Variants in CLOCK observed in about 807,000 individuals in gnomAD.
The protein encoded by CLOCK is clock circadian regulator, also known as circadian locomoter output cycles protein kaput.
Under a neutral mutation model 118.4 loss-of-function variants are expected in CLOCK, and 43 were observed. That is an observed-to-expected ratio of 0.36 (90% confidence interval 0.28 to 0.47). The LOEUF (loss-of-function observed/expected upper bound fraction) is 0.47. Among genes scored for constraint, CLOCK ranks in the 20% least tolerant of loss-of-function variants. CLOCK has a pLI of 1.00. For synonymous variants in CLOCK, 326 were observed against 339.2 expected (o/e 0.96, Z 0.43); for missense variants, 846 against 999.9 (o/e 0.85, Z 2.08).
intron 1 of CLOCK, among the ~76,000 whole-genome samples, chr4:55,519,378 T>C (rs955018873): frequency 2.0e-5 from 3 of 152,138 alleles, no homozygotes; most frequent in African/African-American, 4.8e-5. Flanking sequence ...TTTTTGTATA[T>C]AGGATAGTTC....
Position 55,432,899 on chromosome 4 carries a change from T to C in CLOCK, c.*2516A>G, listed in dbSNP as rs1282858439. The C allele has an allele frequency of 1.3e-5, 2 of 152,636 alleles. No individual in the cohort carries two copies. Among genetic ancestry groups the C allele is most frequent in the African/African-American group, 2.4e-5 (1 of 41,460 alleles). The allele number at this position is 152,636 out of a possible 1,614,324, so 9.5% of individuals were successfully genotyped here. ...AATTGAAGGGGCTGGAGTAGGACAA[T>C]GTGAGTAAACAGTTTAGACGTTTAC... is the stretch of plus-strand genomic sequence containing the variant. On this transcript the variant is annotated 3_prime_UTR_variant, in exon 23 of 23. Transcript: ENST00000513440.
intron 7 of CLOCK, among the ~76,000 whole-genome samples, chr4:55,475,004 A>G (rs1294215300): frequency 6.6e-6 from 1 of 152,228 alleles, no homozygotes; most frequent in Non-Finnish European, 1.5e-5. Context: ...AATACACTTC[A>G]TAAGGCTACA....
Position 55,478,979 on chromosome 4 carries a change from A to C in CLOCK, c.108-16T>G. ...TCTAGATACTCTGATGAAATGAAAA[A>C]TATGCATTTTTTAAACAATCCATTT... On this transcript the variant is annotated splice_polypyrimidine_tract_variant and intron_variant, in intron 5 of 22. Transcript: ENST00000513440. 6.4e-7 allele frequency: 1 copy of C among 1,566,204 alleles called. No homozygotes were observed. Among genetic ancestry groups the C allele is most frequent in the Non-Finnish European group, 8.7e-7 (1 of 1,148,788 alleles).
At chr4:55,521,800 C>G (rs1189457716) in intron 1 of CLOCK, among the ~76,000 whole-genome samples, 1 of 152,128 alleles carries the variant, frequency 6.6e-6, no homozygotes, top group Non-Finnish European at 1.5e-5. Context: ...TGATTTGTGT[C>G]CATATGGTAT....
intron 2 of CLOCK, among the ~76,000 whole-genome samples, chr4:55,490,094 TA>T (rs71194575): frequency 2.6e-4 from 39 of 147,442 alleles, no homozygotes; most frequent in Admixed American, 4.1e-4. Context: ...TGAATGGATT[TA>T]AAAAAAAAAA....
chr4:55,443,149 T>C (rs2109687395), intron 20 of CLOCK, among the ~76,000 whole-genome samples: 1 of 152,262 alleles, frequency 6.6e-6, no homozygotes, highest in East Asian at 1.9e-4. Flanking sequence ...TTGGTATAAC[T>C]ACTAGACTAC....
At chr4:55,539,880 T>G (rs772280388) in intron 1 of CLOCK, among the ~76,000 whole-genome samples, 3 of 152,022 alleles carry the variant, frequency 2.0e-5, no homozygotes, top group Non-Finnish European at 4.4e-5. Context: ...TGGACTACAT[T>G]AGGAGCCCAT....
At chr4:55,492,846 A>G (rs938387442) in intron 2 of CLOCK, among the ~76,000 whole-genome samples, 1 of 151,964 alleles carries the variant, frequency 6.6e-6, no homozygotes, top group South Asian at 2.1e-4. Flanking sequence ...TTCTGTCTCT[A>G]AAAAAAATAA....
chr4:55,453,268 T>A, intron 14 of CLOCK, 139 bp from the exon 15 acceptor site: 5 of 705,218 alleles, frequency 7.1e-6, no homozygotes, highest in Non-Finnish European at 1.3e-5. Context: ...ACCTAAAATA[T>A]ACCTATAATG....
chr4:55,439,959 A>G (rs1484570119), intron 21 of CLOCK, among the ~76,000 whole-genome samples: 5 of 152,152 alleles, frequency 3.3e-5, no homozygotes, highest in East Asian at 1.9e-4. Flanking sequence ...AATGAACTGT[A>G]TATTTTAAAA....
chr4:55,504,105 A>G (rs1728630551), intron 2 of CLOCK, among the ~76,000 whole-genome samples: 1 of 151,220 alleles, frequency 6.6e-6, no homozygotes, highest in Non-Finnish European at 1.5e-5. Flanking sequence ...TAACACAGTG[A>G]AACCCTGTCT....
chr4:55,514,416 A>C (rs902359701), intron 1 of CLOCK, among the ~76,000 whole-genome samples: 4 of 152,044 alleles, frequency 2.6e-5, no homozygotes, highest in Non-Finnish European at 5.9e-5. Flanking sequence ...ACACTCACCC[A>C]TTTAAAACCT....
chr4:55,479,097 C>A, intron 5 of CLOCK, 134 bp from the exon 6 acceptor site: 1 of 687,920 alleles, frequency 1.5e-6, no homozygotes, highest in Non-Finnish European at 2.3e-6. Flanking sequence ...TTCCAGGTTA[C>A]CAATATACAG....
At chr4:55,466,514 G>A (rs1023020223) in intron 8 of CLOCK, among the ~76,000 whole-genome samples, 3 of 152,040 alleles carry the variant, frequency 2.0e-5, no homozygotes, top group Non-Finnish European at 4.4e-5. Context: ...AATGATTATA[G>A]TTTTCTACTA....
rs1186493637 is a variant in CLOCK, at chr4:55,453,073, G to A, written c.1187C>T (p.Pro396Leu). The change falls in exon 15 of 23, where the codon CCT (proline) becomes CTT (leucine). Residue 396 changes from proline (P) to leucine (L), a missense_variant. Pro to Leu is a moderately conservative substitution (Grantham distance 98, BLOSUM62 -3). Transcript: ENST00000513440. ...ACATACTTTGTCAGCAGCTGTCTCA[G>A]GAAGAGACTCTTCAATGCCAAGTTC... The part of the protein sequence containing the change: ...RRELGIEESL[P>L]ETAADKSQDS... The A allele has an allele frequency of 1.2e-6, 2 of 1,611,320 alleles. No homozygotes were observed. The highest frequency in any genetic ancestry group is 2.7e-5 in the African/African-American group (2 of 74,932).
chr4:55,469,607 T>C (rs1725991335), intron 8 of CLOCK, among the ~76,000 whole-genome samples: 3 of 152,234 alleles, frequency 2.0e-5, no homozygotes. Flanking sequence ...TGTTTGTGTC[T>C]TAGTTTTACA....
At chr4:55,509,239 C>T (rs931430719) in intron 2 of CLOCK, among the ~76,000 whole-genome samples, 3 of 152,202 alleles carry the variant, frequency 2.0e-5, no homozygotes, top group Admixed American at 6.5e-5. Flanking sequence ...CCATGTAATG[C>T]ATGACTGTAC....
chr4:55,479,571 A>T, intron 5 of CLOCK, 69 bp downstream of exon 5: 1 of 1,250,758 alleles, frequency 8.0e-7, no homozygotes, highest in Admixed American at 1.8e-5. Flanking sequence ...TCATTTATTC[A>T]CTATTTATTT....
chr4:55,436,470 T>G (rs1024117940), intron 22 of CLOCK, among the ~76,000 whole-genome samples: 1 of 152,166 alleles, frequency 6.6e-6, no homozygotes, highest in African/African-American at 2.4e-5. Flanking sequence ...TACAAAAAAA[T>G]GTTAACAGAA....
Sources: allele counts gnomAD v4.1 joint callset (sites outside exome capture counted in the v4.1 genomes callset), GRCh38; gene constraint gnomAD v4.1.1; transcripts MANE v1.5; gene names NCBI Gene and HGNC (gene_info 2026-07-23, HGNC 2026-07-21).